SYNPR: variants seen among roughly 807,000 people sequenced by gnomAD.
The protein encoded by SYNPR is synaptoporin.
In SYNPR, 23 loss-of-function variants were observed where a neutral mutation model predicts 32.9. The observed-to-expected ratio is 0.70, with a 90% CI of 0.50 to 0.99. The LOEUF (loss-of-function observed/expected upper bound fraction) is 0.99. Among genes scored for constraint, SYNPR ranks in the 50% least tolerant of loss-of-function variants. The pLI, the probability that SYNPR is intolerant of heterozygous loss-of-function variation, is 0.00. For missense variants in SYNPR, 318 were observed against 349.3 expected (o/e 0.91, Z 0.71); for synonymous variants, 146 against 135.9 (o/e 1.07, Z -0.52).
chr3:63,305,894 T>C (rs145881129), intron 2 of SYNPR, among the ~76,000 whole-genome samples: 3 of 152,018 alleles, frequency 2.0e-5, no homozygotes, highest in Non-Finnish European at 2.9e-5. Context: ...CCTGGAAAAA[T>C]GGCTAAAGAT....
upstream of SYNPR, chr3:63,278,205 GCCCTC>G: frequency 3.7e-6 from 1 of 272,402 alleles, no homozygotes; most frequent in Non-Finnish European, 6.9e-6. Flanking sequence ...CCACCTCCTC[GCCCTC>G]CCCTCTGGAG....
intron 2 of SYNPR, among the ~76,000 whole-genome samples, chr3:63,385,147 G>C (rs926505131): frequency 8.6e-5 from 13 of 151,996 alleles, no homozygotes; most frequent in African/African-American, 3.1e-4. Context: ...ATATTCACTA[G>C]ATATCCTTCT....
chr3:63,285,845 C>G (rs184701272), intron 2 of SYNPR, among the ~76,000 whole-genome samples: 3 of 152,164 alleles, frequency 2.0e-5, no homozygotes, highest in Non-Finnish European at 4.4e-5. Context: ...CAAAGTGATG[C>G]TATCATGATT....
chr3:63,278,657 C>T lies in SYNPR; in HGVS notation c.19-20C>T. The T allele has an allele frequency of 6.4e-7, 1 of 1,551,632 alleles. No homozygotes were observed. Among genetic ancestry groups the T allele is most frequent in the Non-Finnish European group, 8.7e-7 (1 of 1,146,920 alleles). ...CTTCCTCACGCTTTGCTTTCTCTCT[C>T]TCGCCTCATTCCCCCAAAGCTGGCC... On this transcript the variant is annotated intron_variant, in intron 1 of 5. Coordinates refer to ENST00000478300, the MANE Select transcript of SYNPR (RefSeq NM_001130003.2).
intron 2 of SYNPR, among the ~76,000 whole-genome samples, chr3:63,409,503 C>T (rs2088433570): frequency 6.6e-6 from 1 of 152,134 alleles, no homozygotes; most frequent in South Asian, 2.1e-4. Flanking sequence ...TCTTGGCTGA[C>T]ATTAATCCTG....
chr3:63,249,505 T>C (rs1425230447), intron 1 of SYNPR, among the ~76,000 whole-genome samples: 2 of 152,078 alleles, frequency 1.3e-5, no homozygotes, highest in Non-Finnish European at 2.9e-5. Context: ...GCTATGAGGA[T>C]GCAAAGGTAT....
chr3:63,312,456 G>T (rs889822213), intron 2 of SYNPR, among the ~76,000 whole-genome samples: 3 of 151,772 alleles, frequency 2.0e-5, no homozygotes, highest in African/African-American at 7.3e-5. Context: ...TAGTTTTTCA[G>T]TGGGGCTATT....
chr3:63,359,435 G>C (rs1292813754), intron 2 of SYNPR, among the ~76,000 whole-genome samples: 1 of 152,202 alleles, frequency 6.6e-6, no homozygotes, highest in South Asian at 2.1e-4. Flanking sequence ...CAAAGGCTCA[G>C]TGTAAAATCA....
At chr3:63,439,767 T>C (rs1296791174) in intron 2 of SYNPR, among the ~76,000 whole-genome samples, 1 of 152,218 alleles carries the variant, frequency 6.6e-6, no homozygotes, top group East Asian at 1.9e-4. Flanking sequence ...TGAATATGAA[T>C]GAATCAATTG....
At chr3:63,530,236 C>A (rs1019907852) in intron 3 of SYNPR, among the ~76,000 whole-genome samples, 7 of 152,130 alleles carry the variant, frequency 4.6e-5, no homozygotes, top group African/African-American at 9.7e-5. Flanking sequence ...CTGGGCCCAG[C>A]AAATTACGCA....
the SYNPR span, chr3:63,203,109 G>A: frequency 3.0e-5 from 3 of 98,732 alleles, no homozygotes; most frequent in South Asian, 2.6e-4. Context: ...TATTTGCCAC[G>A]TTTAAGTCTT....
chr3:63,432,734 A>G (rs1700015535), intron 2 of SYNPR, among the ~76,000 whole-genome samples: 1 of 152,204 alleles, frequency 6.6e-6, no homozygotes, highest in African/African-American at 2.4e-5. Context: ...TGATGCCTGC[A>G]GGCAGCTTCT....
chr3:63,592,205 G>A (rs1699845992), intron 4 of SYNPR, among the ~76,000 whole-genome samples: 1 of 152,076 alleles, frequency 6.6e-6, no homozygotes, highest in South Asian at 2.1e-4. Flanking sequence ...AGCATGGGAG[G>A]GATTCTCCCT....
At chr3:63,409,602 T>C (rs765825014) in intron 2 of SYNPR, among the ~76,000 whole-genome samples, 1 of 152,176 alleles carries the variant, frequency 6.6e-6, no homozygotes, top group Non-Finnish European at 1.5e-5. Context: ...TATATCATAA[T>C]GCTCCTTATA....
At chr3:63,427,496 C>G (rs1699914963) in intron 2 of SYNPR, 1 of 152,186 alleles carries the variant, frequency 6.6e-6, no homozygotes, top group Admixed American at 6.5e-5. Flanking sequence ...TTGATGAGCT[C>G]AGGATAGCTC....
chr3:63,509,062 C>T (rs899371110), intron 3 of SYNPR, among the ~76,000 whole-genome samples: 2 of 151,594 alleles, frequency 1.3e-5, no homozygotes, highest in African/African-American at 4.9e-5. Flanking sequence ...CCAGTTCTTC[C>T]AAGATCAGCT....
chr3:63,398,878 C>T (rs2088253398), intron 2 of SYNPR, among the ~76,000 whole-genome samples: 6 of 152,154 alleles, frequency 3.9e-5, no homozygotes, highest in Admixed American at 3.9e-4. Flanking sequence ...TGGGATATAG[C>T]TGGCTTCAGA....
At chr3:63,209,951 T>C in the SYNPR span, among the ~76,000 whole-genome samples, 9 of 152,286 alleles carry the variant, frequency 5.9e-5, no homozygotes, top group South Asian at 1.7e-3. Context: ...GAAATATTTG[T>C]TGGATGAATT....
intron 2 of SYNPR, among the ~76,000 whole-genome samples, chr3:63,383,104 G>T (rs566739915): frequency 6.6e-6 from 1 of 152,120 alleles, no homozygotes; most frequent in African/African-American, 2.4e-5. Context: ...GGAGTTTAAG[G>T]TTTACATGAC....
Sources: gnomAD v4.1 joint callset for allele counts (sites outside exome capture counted in the v4.1 genomes callset) on GRCh38, gnomAD v4.1.1 for gene constraint, MANE v1.5 for transcripts, NCBI Gene and HGNC (gene_info 2026-07-23, HGNC 2026-07-21) for gene names.